The following KLHL4 variants were observed in gnomAD, a reference collection of about 807,000 sequenced individuals.
KLHL4 encodes kelch-like protein 4.
KLHL4 carries 17 observed loss-of-function variants against 45.8 expected under a neutral mutation model. That is an observed-to-expected ratio of 0.37 (90% CI 0.25 to 0.56). The LOEUF is 0.56. KLHL4 is among the 20% of genes least tolerant of loss of function. The probability of loss-of-function intolerance (pLI) is 0.79; values close to 1 mark genes in which losing one functional copy is unlikely to be tolerated. For missense variants in KLHL4, 544 were observed against 544.9 expected (o/e 1.00, Z 0.02); for synonymous variants, 224 against 189.9 (o/e 1.18, Z -1.47).
chrX:87,566,520 T>C (rs945858151), intron 1 of KLHL4, among the ~76,000 whole-genome samples: 1 of 111,894 alleles, frequency 8.9e-6, no homozygotes, highest in African/African-American at 3.2e-5. Flanking sequence ...ACATTAAGCC[T>C]ATTTCATAGT....
intron 1 of KLHL4, among the ~76,000 whole-genome samples, chrX:87,560,422 C>T (rs1468189748): frequency 2.7e-5 from 3 of 111,680 alleles, no homozygotes; most frequent in African/African-American, 9.8e-5. Flanking sequence ...TATAATTTTT[C>T]ATATGTTGTC....
intron 1 of KLHL4, among the ~76,000 whole-genome samples, chrX:87,593,501 G>A (rs769757701): frequency 3.6e-5 from 4 of 111,214 alleles, no homozygotes; most frequent in Admixed American, 9.6e-5. Context: ...TGTAGTTATT[G>A]TACTTTTCAG....
At chrX:87,537,266 G>T (rs915556745) in intron 1 of KLHL4, among the ~76,000 whole-genome samples, 3 of 111,045 alleles carry the variant, frequency 2.7e-5, no homozygotes, top group African/African-American at 9.8e-5. Flanking sequence ...CATTGGCTTG[G>T]AGCAATGTGT....
At chrX:87,607,462 C>G (rs1004530309) in intron 1 of KLHL4, among the ~76,000 whole-genome samples, 4 of 111,705 alleles carry the variant, frequency 3.6e-5, no homozygotes, top group Non-Finnish European at 5.6e-5. Context: ...TCGCTACTTA[C>G]CCAGCTTACA....
chrX:87,669,022 G>A lies in KLHL4; in HGVS notation c.*2488G>A, dbSNP rs1924475944. 1 of 839,787 alleles carries A rather than the reference G, an allele frequency of 1.2e-6. No homozygotes were observed. Among genetic ancestry groups the A allele is most frequent in the South Asian group, 4.8e-5 (1 of 20,844 alleles). 69.2% of individuals were successfully genotyped at this position (839,787 alleles called of 1,213,427 possible). The stretch of plus-strand genomic sequence containing the variant: ...GCCCAGGGCACTCAAACATAACTGT[G>A]CTTGTCTCAGTCAAACTTAATTGGG... On this transcript the variant is annotated 3_prime_UTR_variant, in exon 11 of 11. Transcript: ENST00000373119.
intron 1 of KLHL4, among the ~76,000 whole-genome samples, chrX:87,532,871 A>T (rs1931329106): frequency 9.0e-6 from 1 of 110,828 alleles, no homozygotes; most frequent in Non-Finnish European, 1.9e-5. Context: ...AAAACAAACA[A>T]CCCCATCAAA....
intron 1 of KLHL4, among the ~76,000 whole-genome samples, chrX:87,585,774 C>T (rs1187221316): frequency 2.7e-5 from 3 of 110,440 alleles, no homozygotes; most frequent in South Asian, 3.8e-4. Context: ...CCTTACTCAT[C>T]GATAATAACA....
At chrX:87,666,389 C>T in intron 10 of KLHL4, 86 bp from the exon 11 acceptor site, 1 of 911,863 alleles carries the variant, frequency 1.1e-6, no homozygotes, top group South Asian at 3.0e-5. Context: ...TAAGTAAGGA[C>T]TTCTTCAACT....
chrX:87,649,777 C>T (rs1245582465), intron 9 of KLHL4, among the ~76,000 whole-genome samples: 1 of 111,100 alleles, frequency 9.0e-6, no homozygotes, highest in Non-Finnish European at 1.9e-5. Context: ...CTCTCCTTTC[C>T]CCATTCAGTG....
chrX:87,519,034 G>T (rs191302459), intron 1 of KLHL4, among the ~76,000 whole-genome samples: 1 of 111,421 alleles, frequency 9.0e-6, no homozygotes, highest in African/African-American at 3.3e-5. Context: ...ATTTGATTTT[G>T]TCTTTACTTT....
chrX:87,532,266 G>A, intron 1 of KLHL4, among the ~76,000 whole-genome samples: 1 of 110,163 alleles, frequency 9.1e-6, no homozygotes, highest in Non-Finnish European at 1.9e-5. Context: ...TTATTTCTGA[G>A]GGCTCTGTTC....
intron 10 of KLHL4, among the ~76,000 whole-genome samples, chrX:87,666,241 G>A (rs777466775): frequency 1.8e-5 from 2 of 110,779 alleles, no homozygotes; most frequent in Non-Finnish European, 3.8e-5. Context: ...TTATCAGAGA[G>A]ATGAAATTTA....
intron 1 of KLHL4, among the ~76,000 whole-genome samples, chrX:87,553,023 G>A (rs900237600): frequency 8.1e-5 from 9 of 110,916 alleles, no homozygotes; most frequent in Non-Finnish European, 1.1e-4. Context: ...TCTGTGATGT[G>A]CTTATTTCAC....
chrX:87,541,733 G>C (rs1462871354), intron 1 of KLHL4, among the ~76,000 whole-genome samples: 2 of 111,086 alleles, frequency 1.8e-5, no homozygotes, highest in Non-Finnish European at 3.8e-5. Context: ...AATTTGTACT[G>C]GTAGTGGGGC....
intron 1 of KLHL4, among the ~76,000 whole-genome samples, chrX:87,532,650 A>G (rs1484079257): frequency 2.7e-4 from 28 of 104,039 alleles, no homozygotes; most frequent in Middle Eastern, 4.8e-3. Context: ...GGTCCTTGAC[A>G]TCCCTTGTAA....
At chrX:87,559,748 G>A (rs1363455011) in intron 1 of KLHL4, among the ~76,000 whole-genome samples, 3 of 109,690 alleles carry the variant, frequency 2.7e-5, no homozygotes, top group Non-Finnish European at 3.8e-5. Context: ...CTGCTTTTAA[G>A]TTGCTTACAC....
chrX:87,603,364 C>A (rs1455852886), intron 1 of KLHL4, among the ~76,000 whole-genome samples: 2 of 110,850 alleles, frequency 1.8e-5, no homozygotes, highest in African/African-American at 6.5e-5. Flanking sequence ...TAGAATTACA[C>A]CACAATTTTA....
At chrX:87,532,932 C>T (rs1406540915) in intron 1 of KLHL4, among the ~76,000 whole-genome samples, 16 of 108,300 alleles carry the variant, frequency 1.5e-4, no homozygotes, top group Non-Finnish European at 2.3e-4. Flanking sequence ...ACATTTATGC[C>T]GCCAAAAAAC....
At chrX:87,654,287 C>T (rs750965119) in intron 9 of KLHL4, among the ~76,000 whole-genome samples, 1 of 111,169 alleles carries the variant, frequency 9.0e-6, no homozygotes, top group Non-Finnish European at 1.9e-5. Context: ...TTTCATTTCT[C>T]ACCACCCTCC....
Sources: allele counts gnomAD v4.1 joint callset (sites outside exome capture counted in the v4.1 genomes callset), GRCh38; gene constraint gnomAD v4.1.1; transcripts MANE v1.5; gene names NCBI Gene and HGNC (gene_info 2026-07-23, HGNC 2026-07-21).